The following COL17A1 variants were observed in gnomAD, a reference collection of about 807,000 sequenced individuals.
COL17A1 encodes the protein collagen alpha-1(XVII) chain.
Under a neutral mutation model 218.4 loss-of-function variants are expected in COL17A1, and 181 were observed. The ratio of observed to expected loss-of-function variants is 0.83; its 90% CI spans 0.73 to 0.94. The LOEUF is 0.94. Ranked by LOEUF, COL17A1 falls within the 40% of genes least tolerant of loss-of-function variation. The pLI is 0.00. For synonymous variants in COL17A1, 721 were observed against 731.0 expected, an observed-to-expected ratio of 0.99 and a Z score of 0.22; for missense variants, 1,924 against 1,945.9, an observed-to-expected ratio of 0.99 and a Z score of 0.21.
intron 5 of COL17A1, among the ~76,000 whole-genome samples, chr10:104,075,794 C>T (rs2086705066): frequency 6.6e-6 from 1 of 152,238 alleles, no homozygotes. Context: ...TTTGCTTATG[C>T]TGCTGCTCCC....
chr10:104,085,056 A>G lies in COL17A1; in HGVS notation c.-12+667T>C, dbSNP rs909861796. Among the ~76,000 whole-genome samples the G allele has an allele frequency of 1.1e-4, 17 of 152,342 alleles. No homozygotes were observed. The South Asian group carries it at 1.4e-3, about 13-fold the overall frequency. On this transcript the variant is annotated intron_variant, in intron 1 of 55. Coordinates refer to ENST00000648076, the MANE Select transcript of COL17A1 (RefSeq NM_000494.4). Reference sequence around the variant, plus strand: ...AATTTTTTTGGCAGGAGGAAACCCAAGTTGACTCGTAAGAGTATATATACG... The same window carrying G: ...AATTTTTTTGGCAGGAGGAAACCCAGGTTGACTCGTAAGAGTATATATACG...
chr10:104,082,230 G>C (rs929828537), intron 1 of COL17A1, among the ~76,000 whole-genome samples: 3 of 152,182 alleles, frequency 2.0e-5, no homozygotes, highest in Non-Finnish European at 4.4e-5. Context: ...GGAGCCCAGA[G>C]GAGGGGCTTC....
intron 9 of COL17A1, 54 bp downstream of exon 9, chr10:104,070,372 G>C: frequency 6.2e-7 from 1 of 1,610,454 alleles, no homozygotes; most frequent in Non-Finnish European, 8.5e-7. Context: ...CTTTGGGTTT[G>C]GATGGGTAAG....
chr10:104,058,983 T>A (rs1447981960), intron 15 of COL17A1, among the ~76,000 whole-genome samples: 1 of 151,712 alleles, frequency 6.6e-6, no homozygotes, highest in African/African-American at 2.4e-5. Context: ...TTTGTGGGCA[T>A]GTGTAGAATT....
In COL17A1 at chr10:104,039,786, ACACACACACG is replaced by A. The variant is rs1376364834; in HGVS notation, c.2789-156_2789-147del. The A allele has an allele frequency of 4.7e-3, 5,128 of 1,088,290 alleles. 108 individuals carry two copies. The African/African-American group carries it at 0.079, about 17-fold the overall frequency. The allele number at this position is 1,088,290 out of a possible 1,614,324, so 67.4% of individuals were successfully genotyped here. On this transcript the variant is annotated intron_variant, in intron 41 of 55. Transcript: ENST00000648076. Reference sequence around the variant, plus strand: ...AGATGCCACACACACACACACACACACACACACACGCACACGCACACTTGCACTACACCCA... The same window carrying A: ...AGATGCCACACACACACACACACACACACACGCACACTTGCACTACACCCA...
chr10:104,056,495 T>C (rs2086528176), intron 17 of COL17A1, among the ~76,000 whole-genome samples: 1 of 151,542 alleles, frequency 6.6e-6, no homozygotes, highest in Admixed American at 6.6e-5. Flanking sequence ...GGCAGGAGAA[T>C]CGCTTGAACT....
chr10:104,063,938 T>G (rs1476446471), intron 10 of COL17A1, 120 bp from the exon 11 acceptor site: 2 of 1,470,614 alleles, frequency 1.4e-6, no homozygotes, highest in African/African-American at 2.8e-5. Flanking sequence ...TTTTGGTAAA[T>G]TTTTGTTTTT....
intron 43 of COL17A1, 124 bp downstream of exon 43, chr10:104,039,321 C>A: frequency 8.4e-7 from 1 of 1,187,112 alleles, no homozygotes; most frequent in East Asian, 2.4e-5. Flanking sequence ...TTCCTTCCTC[C>A]AGCCTCTTCT....
intron 9 of COL17A1, among the ~76,000 whole-genome samples, chr10:104,064,968 CT>C (rs1280034599): frequency 6.6e-6 from 1 of 152,220 alleles, no homozygotes; most frequent in Non-Finnish European, 1.5e-5. Context: ...GGGAACAGTT[CT>C]TTCAGGAGCA....
Position 104,037,720 on chromosome 10 carries a change from C to T in COL17A1, c.3124G>A (p.Gly1042Ser). Reference protein sequence around the residue: ...SGVQGPPGPPGPPGPVTTITG... With the variant: ...SGVQGPPGPPSPPGPVTTITG... ...ATGGTGGTGACAGGTCCTGGGGGAC[C>T]AGGTGGGCCTGGGGGACCCTGAACT... Residue 1042 changes from glycine (G) to serine (S), a missense_variant, in exon 46 of 56, where the codon GGT (glycine) becomes AGT (serine). Physicochemically the swap from Gly to Ser is moderately conservative, Grantham distance 56 (BLOSUM62 0). Transcript: ENST00000648076. 6.2e-7 allele frequency: 1 copy of T among 1,614,134 alleles called. No homozygotes were observed. Among genetic ancestry groups the T allele is most frequent in the South Asian group, 1.1e-5 (1 of 91,086 alleles).
intron 44 of COL17A1, 30 bp from the exon 45 acceptor site, chr10:104,038,558 G>C: frequency 6.2e-7 from 1 of 1,606,234 alleles, no homozygotes; most frequent in Non-Finnish European, 8.5e-7. Flanking sequence ...TCCTGTGTCG[G>C]TTTCTCCACC....
At chr10:104,049,287 ACT>A (rs985748107) in intron 29 of COL17A1, 120 bp downstream of exon 29, 7 of 862,120 alleles carry the variant, frequency 8.1e-6, no homozygotes, top group Admixed American at 3.8e-5. Context: ...GTCAAGGGAG[ACT>A]CTACCAGGAG....
intron 9 of COL17A1, among the ~76,000 whole-genome samples, chr10:104,067,334 TAAAAAAAAAAAAAA>T: frequency 9.1e-6 from 1 of 110,434 alleles, no homozygotes. Context: ...GGCTCAGGAA[TAAAAAAAAAAAAAA>T]AAAAAAAAAA....
chr10:104,069,514 T>A (rs1230255933), intron 9 of COL17A1, among the ~76,000 whole-genome samples: 2 of 152,152 alleles, frequency 1.3e-5, no homozygotes, highest in African/African-American at 4.8e-5. Context: ...ACAACTAAAA[T>A]GCCTCGAATG....
intron 9 of COL17A1, among the ~76,000 whole-genome samples, chr10:104,066,160 T>C (rs2086624381): frequency 6.6e-6 from 1 of 152,164 alleles, no homozygotes; most frequent in South Asian, 2.1e-4. Context: ...AGTCAAATAC[T>C]TGAAGAGCCC....
Position 104,070,460 on chromosome 10 carries a change from C to T in COL17A1, c.573G>A (p.Val191=). 6.2e-7 allele frequency: 1 copy of T among 1,614,148 alleles called. No homozygotes were observed. Among genetic ancestry groups the T allele is most frequent in the African/African-American group, 1.3e-5 (1 of 75,060 alleles). Residue 191 remains valine (V), a synonymous_variant, in exon 9 of 56, where the codon GTG becomes GTA. Coordinates refer to ENST00000648076, the MANE Select transcript of COL17A1 (RefSeq NM_000494.4). ...NTLPIPKKGT[V]ETKIVTASSQ... is the part of the protein sequence containing the mutation. ...AGCTCGCTGTCACAATTTTGGTCTCCACAGTGCCTTTCTTGGGGATGGGGA... is the reference window on the plus strand; with the variant it reads ...AGCTCGCTGTCACAATTTTGGTCTCTACAGTGCCTTTCTTGGGGATGGGGA...
chr10:104,055,728 G>A, intron 18 of COL17A1, 54 bp downstream of exon 18: 1 of 1,605,680 alleles, frequency 6.2e-7, no homozygotes, highest in Admixed American at 1.7e-5. Flanking sequence ...CCACATAGAT[G>A]CAAAGAAGAA....
At chr10:104,071,930 G>GTGCA in intron 8 of COL17A1, 102 bp downstream of exon 8, 1 of 1,542,182 alleles carries the variant, frequency 6.5e-7, no homozygotes, top group African/African-American at 1.4e-5. Context: ...ATACATGTGT[G>GTGCA]TGCATGCATG....
At chr10:104,033,399 A>G in intron 52 of COL17A1, 24 bp from the exon 53 acceptor site, 1 of 1,608,094 alleles carries the variant, frequency 6.2e-7, no homozygotes, top group Non-Finnish European at 8.5e-7. Context: ...GAGCTTGGGC[A>G]CAGGAAGCAG....
Sources: gnomAD v4.1 joint callset for allele counts (sites outside exome capture counted in the v4.1 genomes callset) on GRCh38, gnomAD v4.1.1 for gene constraint, MANE v1.5 for transcripts, NCBI Gene and HGNC (gene_info 2026-07-23, HGNC 2026-07-21) for gene names.